Variants in CCDC171 observed in about 807,000 individuals in gnomAD.
CCDC171 encodes coiled-coil domain containing 171, also known as coiled-coil domain-containing protein 171.
In CCDC171, 177 loss-of-function variants were observed where a neutral mutation model predicts 168.2. That is an observed-to-expected ratio of 1.05 (90% CI 0.93 to 1.19). CCDC171 has a LOEUF of 1.19. Ranked by LOEUF, CCDC171 falls within the 50% of genes most tolerant of loss-of-function variation. CCDC171 has a pLI of 0.00. For synonymous variants in CCDC171, 687 were observed against 540.8 expected (o/e 1.27, Z -3.75); for missense variants, 1,991 against 1,539.0 (o/e 1.29, Z -4.91).
intron 12 of CCDC171, among the ~76,000 whole-genome samples, chr9:15,723,111 A>G (rs2053590325): frequency 6.6e-6 from 1 of 152,180 alleles, no homozygotes; most frequent in African/African-American, 2.4e-5. Flanking sequence ...CAAAGAAAGC[A>G]AAAAGAGCAG....
At chr9:15,923,125 A>C (rs2132031943) in intron 25 of CCDC171, among the ~76,000 whole-genome samples, 1 of 151,474 alleles carries the variant, frequency 6.6e-6, no homozygotes, top group Middle Eastern at 3.4e-3. Context: ...ATATCCCAAA[A>C]AATCATTGCC....
intron 21 of CCDC171, among the ~76,000 whole-genome samples, chr9:15,805,360 G>A (rs1481742911): frequency 6.6e-6 from 1 of 151,984 alleles, no homozygotes; most frequent in Non-Finnish European, 1.5e-5. Context: ...GACCTTTGTA[G>A]CTTTTTGATG....
intron 8 of CCDC171, among the ~76,000 whole-genome samples, chr9:15,662,458 T>C (rs2048388946): frequency 6.6e-6 from 1 of 152,204 alleles, no homozygotes; most frequent in African/African-American, 2.4e-5. Flanking sequence ...TTGCCATTCC[T>C]GTGACGCTTG....
chr9:15,609,441 A>G (rs1355471347), intron 6 of CCDC171, among the ~76,000 whole-genome samples: 1 of 152,154 alleles, frequency 6.6e-6, no homozygotes, highest in African/African-American at 2.4e-5. Context: ...TGAATTTATC[A>G]GTATATTTTT....
the CCDC171 span, among the ~76,000 whole-genome samples, chr9:16,087,335 A>C: frequency 6.6e-6 from 1 of 152,016 alleles, no homozygotes; most frequent in Admixed American, 6.6e-5. Flanking sequence ...TGGGGTGTTA[A>C]AGCCTCCCAC....
At chr9:15,615,176 G>T (rs1252484707) in intron 6 of CCDC171, among the ~76,000 whole-genome samples, 1 of 151,934 alleles carries the variant, frequency 6.6e-6, no homozygotes, top group East Asian at 1.9e-4. Flanking sequence ...AAATATAAAA[G>T]ACTTTATACA....
At chr9:15,938,385 A>G (rs1589180881) in intron 25 of CCDC171, among the ~76,000 whole-genome samples, 1 of 151,924 alleles carries the variant, frequency 6.6e-6, no homozygotes, top group African/African-American at 2.4e-5. Flanking sequence ...CTATTAATAG[A>G]GAAGAGCATT....
chr9:15,836,097 T>A (rs1161741591), intron 21 of CCDC171, among the ~76,000 whole-genome samples: 1 of 152,196 alleles, frequency 6.6e-6, no homozygotes, highest in East Asian at 1.9e-4. Flanking sequence ...AGACACTGAT[T>A]TTCTAAAGTA....
intron 10 of CCDC171, among the ~76,000 whole-genome samples, chr9:15,689,721 T>A (rs558004120): frequency 6.6e-6 from 1 of 151,908 alleles, no homozygotes; most frequent in Non-Finnish European, 1.5e-5. Flanking sequence ...AAAAGAAATA[T>A]AAGGGACTAT....
chr9:15,749,145 A>C (rs983604089), intron 18 of CCDC171, among the ~76,000 whole-genome samples: 3 of 30,758 alleles, frequency 9.8e-5, no homozygotes, highest in Non-Finnish European at 1.9e-4. Flanking sequence ...ATGGAAAGCA[A>C]AAAAAAAAAA....
At chr9:16,089,412 T>C in the CCDC171 span, among the ~76,000 whole-genome samples, 2 of 152,110 alleles carry the variant, frequency 1.3e-5, no homozygotes, top group Non-Finnish European at 2.9e-5. Flanking sequence ...TTGGCTTTTG[T>C]TGCCATTGCT....
chr9:15,693,725 A>C (rs1333319553), intron 10 of CCDC171, among the ~76,000 whole-genome samples: 1 of 152,086 alleles, frequency 6.6e-6, no homozygotes, highest in Non-Finnish European at 1.5e-5. Flanking sequence ...TATAATATCT[A>C]TTCTTCCATT....
chr9:15,834,356 G>A (rs746145585), intron 21 of CCDC171, among the ~76,000 whole-genome samples: 4 of 152,056 alleles, frequency 2.6e-5, no homozygotes, highest in Non-Finnish European at 5.9e-5. Context: ...TCATTTTAGA[G>A]GTAATTTTAC....
rs553433509 is a variant in CCDC171, at chr9:15,750,183, A to G, written c.2671+4552A>G. 4.6e-5 allele frequency among the ~76,000 whole-genome samples: 7 copies of G among 152,306 alleles called. No homozygotes were observed. The South Asian group carries it at 1.2e-3, about 27-fold the overall frequency. On this transcript the variant is annotated intron_variant, in intron 18 of 25. Coordinates refer to ENST00000380701, the MANE Select transcript of CCDC171 (RefSeq NM_173550.4). ...ATACAGACTACCATCAGAGAATGCT[A>G]TAAAGACCTCTACATAAATAAACTA...
intron 4 of CCDC171, among the ~76,000 whole-genome samples, chr9:15,588,803 G>T (rs2041777463): frequency 6.6e-6 from 1 of 151,388 alleles, no homozygotes; most frequent in African/African-American, 2.4e-5. Context: ...CACCTCCCGG[G>T]TTCACGTCAT....
chr9:15,920,217 C>T lies in CCDC171; in HGVS notation c.3601-53C>T. 8.7e-6 allele frequency: 10 copies of T among 1,154,392 alleles called. No individual in the cohort carries two copies. The South Asian group carries it at 9.2e-5, about 11-fold the overall frequency. 71.5% of individuals were successfully genotyped at this position (1,154,392 alleles called of 1,614,324 possible). A position where few individuals can be genotyped will look rare whatever the true frequency, so the allele number is the denominator to read the frequency against. ...TTGCTTTCAAATTATGGAAATTCTC[C>T]TTTGGGGACATATTTATTTGAATTA... On this transcript the variant is annotated intron_variant, in intron 24 of 25. Transcript: ENST00000380701.
At chr9:15,919,545 C>A (rs1825016444) in intron 24 of CCDC171, among the ~76,000 whole-genome samples, 1 of 151,388 alleles carries the variant, frequency 6.6e-6, no homozygotes, top group African/African-American at 2.4e-5. Flanking sequence ...TGAAAGTCTC[C>A]TTTAAAAAGG....
chr9:15,832,926 G>GTCA (rs2060293687), intron 21 of CCDC171, among the ~76,000 whole-genome samples: 2 of 151,232 alleles, frequency 1.3e-5, no homozygotes, highest in South Asian at 4.2e-4. Context: ...TCTACACAGG[G>GTCA]TCAGGATCAT....
chr9:15,926,540 A>G (rs1825916793), intron 25 of CCDC171, among the ~76,000 whole-genome samples: 1 of 151,596 alleles, frequency 6.6e-6, no homozygotes, highest in Non-Finnish European at 1.5e-5. Context: ...GCTACTCTCA[A>G]AACTATTAAC....
Sources: gnomAD v4.1 joint callset for allele counts (sites outside exome capture counted in the v4.1 genomes callset) on GRCh38, gnomAD v4.1.1 for gene constraint, MANE v1.5 for transcripts, NCBI Gene and HGNC (gene_info 2026-07-23, HGNC 2026-07-21) for gene names.